HTR1F: variants seen among roughly 807,000 people sequenced by gnomAD.
The protein encoded by HTR1F is 5-hydroxytryptamine (serotonin) receptor 1F, G protein-coupled.
A neutral mutation model predicts 24.0 loss-of-function variants in HTR1F; 17 were observed. The ratio of observed to expected loss-of-function variants is 0.71; its 90% CI spans 0.48 to 1.06. The LOEUF (loss-of-function observed/expected upper bound fraction) is 1.06. Ranked by LOEUF, HTR1F falls within the 50% of genes least tolerant of loss-of-function variation. The pLI is 0.00. For synonymous variants in HTR1F, 186 were observed against 156.8 expected, an observed-to-expected ratio of 1.19 and a Z score of -1.39; for missense variants, 391 against 427.8, an observed-to-expected ratio of 0.91 and a Z score of 0.76.
chr3:87,906,651 G>A (rs1281260770), intron 2 of HTR1F, among the ~76,000 whole-genome samples: 2 of 151,872 alleles, frequency 1.3e-5, no homozygotes, highest in African/African-American at 4.8e-5. Flanking sequence ...ACCAAGCAGG[G>A]TACACTGTAC....
intron 2 of HTR1F, among the ~76,000 whole-genome samples, chr3:87,861,662 T>C (rs1468728558): frequency 6.6e-6 from 1 of 152,162 alleles, no homozygotes; most frequent in Non-Finnish European, 1.5e-5. Context: ...TTGGAGCTCA[T>C]AAATATTTTA....
intron 2 of HTR1F, among the ~76,000 whole-genome samples, chr3:87,886,031 C>T (rs943024235): frequency 9.9e-5 from 15 of 151,978 alleles, no homozygotes; most frequent in Non-Finnish European, 1.2e-4. Context: ...GGCAGAGACA[C>T]GACAAAAAAA....
chr3:87,971,010 C>T (rs545691383), intron 2 of HTR1F, among the ~76,000 whole-genome samples: 2 of 152,254 alleles, frequency 1.3e-5, no homozygotes, highest in Admixed American at 1.3e-4. Context: ...CTTCATGATC[C>T]CTGCCTCCTC....
At chr3:87,986,907 C>T (rs1022515988) in intron 2 of HTR1F, among the ~76,000 whole-genome samples, 10 of 152,082 alleles carry the variant, frequency 6.6e-5, no homozygotes, top group Admixed American at 4.6e-4. Context: ...GAGTTCTGAA[C>T]CACCCTGGCC....
intron 2 of HTR1F, among the ~76,000 whole-genome samples, chr3:87,947,263 C>A (rs1370838400): frequency 6.6e-6 from 1 of 152,116 alleles, no homozygotes; most frequent in Non-Finnish European, 1.5e-5. Context: ...AAATAGAAGT[C>A]TTTTACATTC....
At chr3:87,922,581 T>G (rs773191828) in intron 2 of HTR1F, among the ~76,000 whole-genome samples, 50 of 151,936 alleles carry the variant, frequency 3.3e-4, no homozygotes, top group Admixed American at 3.3e-3. Context: ...TTTATAAAAT[T>G]TATAAAGTTT....
chr3:87,934,267 G>A (rs917553879), intron 2 of HTR1F, among the ~76,000 whole-genome samples: 1 of 152,228 alleles, frequency 6.6e-6, no homozygotes, highest in Non-Finnish European at 1.5e-5. Context: ...CATGCTAAGA[G>A]TTTAACATTG....
In HTR1F at chr3:87,895,269, T is replaced by G. The variant is rs113835179; in HGVS notation, c.-43+73145T>G. Among the ~76,000 whole-genome samples, 735 of 152,262 alleles carry G rather than the reference T, an allele frequency of 4.8e-3. 7 individuals carry two copies. The highest frequency in any genetic ancestry group is 0.038 in the South Asian group (185 of 4,816). ...TGTGTGTAAATATGTATATATACACTTTATACAGATTAAATACACATTTAA... is the reference window on the plus strand; with the variant it reads ...TGTGTGTAAATATGTATATATACACGTTATACAGATTAAATACACATTTAA... On this transcript the variant is annotated intron_variant, in intron 2 of 2. Transcript: ENST00000319595.
chr3:87,958,492 A>G (rs1704993458), intron 2 of HTR1F, among the ~76,000 whole-genome samples: 1 of 151,602 alleles, frequency 6.6e-6, no homozygotes, highest in African/African-American at 2.4e-5. Context: ...CCCTTGAACA[A>G]TGCATGGTTT....
chr3:87,912,833 T>C (rs1703809792), intron 2 of HTR1F, among the ~76,000 whole-genome samples: 1 of 152,036 alleles, frequency 6.6e-6, no homozygotes, highest in Non-Finnish European at 1.5e-5. Flanking sequence ...AAATGAGCAA[T>C]GAGGAAAGGA....
chr3:87,908,922 A>G (rs1260391146), intron 2 of HTR1F, among the ~76,000 whole-genome samples: 1 of 152,100 alleles, frequency 6.6e-6, no homozygotes, highest in East Asian at 1.9e-4. Context: ...TAATTTAACA[A>G]AAGATAAAAA....
rs185034040 is a variant in HTR1F, at chr3:87,835,133, A to G, written c.-43+13009A>G. ...AATTGATTTTCGTTCTGGACCAAAC[A>G]TCTTGATTCCTGCTCCAGAGGTTCT... On this transcript the variant is annotated intron_variant, in intron 2 of 2. Coordinates refer to ENST00000319595, the MANE Select transcript of HTR1F (RefSeq NM_001322209.2). 2.6e-5 allele frequency among the ~76,000 whole-genome samples: 4 copies of G among 152,300 alleles called. No homozygotes were observed. In the East Asian group the frequency reaches 7.7e-4, roughly 29 times the overall value.
At chr3:87,801,799 C>T (rs1252938349) in intron 1 of HTR1F, among the ~76,000 whole-genome samples, 2 of 151,948 alleles carry the variant, frequency 1.3e-5, no homozygotes, top group South Asian at 2.1e-4. Flanking sequence ...ATTTTCCTTT[C>T]GTATTGGAGA....
intron 2 of HTR1F, among the ~76,000 whole-genome samples, chr3:87,978,347 T>C (rs945288622): frequency 1.8e-4 from 27 of 152,184 alleles, no homozygotes; most frequent in African/African-American, 6.5e-4. Context: ...TCAGTCCTGT[T>C]TGTGTTACAG....
At chr3:87,868,063 C>T (rs1197219207) in intron 2 of HTR1F, among the ~76,000 whole-genome samples, 1 of 152,016 alleles carries the variant, frequency 6.6e-6, no homozygotes, top group Non-Finnish European at 1.5e-5. Flanking sequence ...TTTCTTAATG[C>T]ACTACTAACA....
At chr3:87,978,249 G>T (rs567760716) in intron 2 of HTR1F, among the ~76,000 whole-genome samples, 2 of 152,152 alleles carry the variant, frequency 1.3e-5, no homozygotes, top group African/African-American at 4.8e-5. Context: ...GTGTCATCTC[G>T]AGTGCACCAC....
At chr3:87,988,848 G>C (rs1037755450) in intron 2 of HTR1F, among the ~76,000 whole-genome samples, 1 of 151,880 alleles carries the variant, frequency 6.6e-6, no homozygotes, top group African/African-American at 2.4e-5. Context: ...CAAAGTGCTG[G>C]TATTACAGGA....
chr3:87,870,626 C>T (rs752777089), intron 2 of HTR1F, among the ~76,000 whole-genome samples: 6 of 151,898 alleles, frequency 4.0e-5, no homozygotes, highest in Non-Finnish European at 8.8e-5. Flanking sequence ...CATGGGGCTG[C>T]CTGAGGAATT....
At chr3:87,857,378 G>T (rs1186150298) in intron 2 of HTR1F, among the ~76,000 whole-genome samples, 1 of 151,982 alleles carries the variant, frequency 6.6e-6, no homozygotes, top group Non-Finnish European at 1.5e-5. Flanking sequence ...GGAAATAGAT[G>T]TTTTTAAAAT....
Sources: gnomAD v4.1 joint callset for allele counts (sites outside exome capture counted in the v4.1 genomes callset) on GRCh38, gnomAD v4.1.1 for gene constraint, MANE v1.5 for transcripts, NCBI Gene and HGNC (gene_info 2026-07-23, HGNC 2026-07-21) for gene names.